Variants in CACNA1F observed in about 807,000 individuals in gnomAD.
CACNA1F encodes the protein voltage-dependent L-type calcium channel subunit alpha-1F.
CACNA1F carries 59 observed loss-of-function variants against 143.8 expected under a neutral mutation model. That is an observed-to-expected ratio of 0.41 (90% confidence interval 0.33 to 0.51). The LOEUF is 0.51. Among genes scored for constraint, CACNA1F ranks in the 20% least tolerant of loss-of-function variants. CACNA1F has a pLI of 0.22. For synonymous variants in CACNA1F, 643 were observed against 649.1 expected (o/e 0.99, Z 0.14); for missense variants, 1,411 against 1,647.5 (o/e 0.86, Z 2.48).
rs782235108 is a variant in CACNA1F, at chrX:49,226,046, C to T, written c.1514G>A (p.Arg505Gln). The T allele has an allele frequency of 6.7e-6, 8 of 1,190,466 alleles. No homozygotes were observed. The South Asian group carries it at 9.2e-5, about 14-fold the overall frequency. The change falls in exon 13 of 48, where the codon CGG (arginine) becomes CAG (glutamine). Residue 505 changes from arginine (R) to glutamine (Q), a missense_variant. Physicochemically the swap from Arg to Gln is conservative, Grantham distance 43. This residue lies in a region of CACNA1F where 950 missense variants were observed against 1,128.1 expected (regional missense o/e 0.84). Transcript: ENST00000323022. ...RVCRRLRRAN[R>Q]VLRARCRRAV... ...CCGACGGCAGCGTGCCCGAAGGACC[C>T]GGTTGGCTCGGCGGAGGCGGCGGCT... is the stretch of plus-strand genomic sequence containing the variant.
chrX:49,205,687 G>C lies in CACNA1F; in HGVS notation c.5599C>G (p.Leu1867Val). ...TCCGAGTGGGTTCCAGGCACGTGCA[G>C]ACAGGTGAAGGTGCGCAGTGGGCCA... ...SSGPLRTFTC[L>V]HVPGTHSDPS... The change falls in exon 47 of 48, where the codon CTG becomes GTG. Residue 1867 changes from leucine (L) to valine (V), a missense_variant. Coordinates refer to ENST00000323022, the MANE Select transcript of CACNA1F (RefSeq NM_001256789.3). 8.3e-7 allele frequency: 1 copy of C among 1,205,254 alleles called. No homozygotes were observed. Among genetic ancestry groups the C allele is most frequent in the Non-Finnish European group, 1.1e-6 (1 of 892,052 alleles).
rs782535896 is a variant in CACNA1F at position 49,226,416 on chromosome X, G to A, written c.1456C>T (p.Arg486Cys). The stretch of plus-strand genomic sequence containing the variant: ...GGGGCTGGGGGCCCTCACAGGCAGC[G>A]TGTACAGCTGGCCAGAGCCCCCTCC... ...EEEGALASCT[R>C]CLNKIMKTRV... Residue 486 changes from arginine to cysteine, a missense_variant, in exon 11 of 48, where the codon CGC (arginine) becomes TGC (cysteine). By Grantham distance (180) the Arg-to-Cys change is radical. Coordinates refer to ENST00000323022, the MANE Select transcript of CACNA1F (RefSeq NM_001256789.3). 1.8e-5 allele frequency: 21 copies of A among 1,183,389 alleles called. No homozygotes were observed. The highest frequency in any genetic ancestry group is 2.3e-5 in the Non-Finnish European group (20 of 880,158).
chrX:49,210,361 C>T lies in CACNA1F; in HGVS notation c.4528G>A (p.Val1510Met). ...GCAAAGAGTGTGGCGTTGAATGTCACCGTCCCATCTGAGTTGAGGGGCATG... is the reference window on the plus strand; with the variant it reads ...GCAAAGAGTGTGGCGTTGAATGTCATCGTCCCATCTGAGTTGAGGGGCATG... ...MNMPLNSDGT[V>M]TFNATLFALV... The change falls in exon 39 of 48, where the codon GTG becomes ATG. Residue 1510 changes from valine (V) to methionine (M), a missense_variant. By Grantham distance (21) the Val-to-Met change is conservative. Coordinates refer to ENST00000323022, the MANE Select transcript of CACNA1F (RefSeq NM_001256789.3). 1 of 1,208,671 alleles carries T rather than the reference C, an allele frequency of 8.3e-7. No homozygotes were observed. The highest frequency in any genetic ancestry group is 3.0e-5 in the East Asian group (1 of 33,838).
rs199682616 is a variant in CACNA1F, at chrX:49,220,073, CTCT to C, written c.2387-286_2387-284del. On this transcript the variant is annotated intron_variant, in intron 19 of 47. Transcript: ENST00000323022. ...GTTCAGCAGTAAACAAAACGTGTTT[CTCT>C]TCTTCTTGTTTTTCTTTAAAGATAG... Among the ~76,000 whole-genome samples the C allele has an allele frequency of 6.4e-4, 71 of 111,401 alleles. No homozygotes were observed. The East Asian group carries it at 0.012, about 19-fold the overall frequency.
rs868954985 is a variant in CACNA1F, at chrX:49,219,765, T to C, written c.2412A>G (p.Glu804=). 1.7e-5 allele frequency: 19 copies of C among 1,106,386 alleles called. No homozygotes were observed. The Admixed American group carries it at 2.3e-4, about 13-fold the overall frequency. 91.2% of individuals were successfully genotyped at this position (1,106,386 alleles called of 1,213,427 possible). Residue 804 remains glutamate, a synonymous_variant, in exon 20 of 48, where the codon GAA becomes GAG. Transcript: ENST00000323022. ...GADMEEEEEE[E]EEEEEEEEEE... is the part of the protein sequence containing the mutation. ...CCTCTTCTTCCTCTTCTTCCTCTTCTTCCTCCTCCTCCTCCTCCTCCATGT... is the reference window on the plus strand; with the variant it reads ...CCTCTTCTTCCTCTTCTTCCTCTTCCTCCTCCTCCTCCTCCTCCTCCATGT...
In CACNA1F at chrX:49,226,065, G is replaced by T; in HGVS notation, c.1495C>A (p.Arg499Ser). The T allele has an allele frequency of 8.4e-7, 1 of 1,190,218 alleles. No individual in the cohort carries two copies. Among genetic ancestry groups the T allele is most frequent in the Non-Finnish European group, 1.1e-6 (1 of 884,315 alleles). Residue 499 changes from arginine to serine, a missense_variant, in exon 13 of 48, where the codon CGC (arginine) becomes AGC (serine). Arg to Ser is a moderately radical substitution (Grantham distance 110). This residue lies in a region of CACNA1F where 950 missense variants were observed against 1,128.1 expected (regional missense o/e 0.84). Coordinates refer to ENST00000323022, the MANE Select transcript of CACNA1F (RefSeq NM_001256789.3). The part of the protein sequence containing the change: ...NKIMKTRVCR[R>S]LRRANRVLRA... The stretch of plus-strand genomic sequence containing the variant: ...AGGACCCGGTTGGCTCGGCGGAGGC[G>T]GCGGCTGGGGGAAGGGGAGCCCACA...
At position 49,206,545 on chromosome X, in the gene CACNA1F, T is replaced by C; in HGVS notation, c.5438A>G (p.His1813Arg). 8.3e-7 allele frequency: 1 copy of C among 1,209,890 alleles called. No individual in the cohort carries two copies. Among genetic ancestry groups the C allele is most frequent in the Non-Finnish European group, 1.1e-6 (1 of 894,029 alleles). ...ATTGGGCCCTGAATTTCGCCCACGA[T>C]GATAGGTGCCTGGGATGGGTAAATC... Reference protein sequence around the residue: ...CEDLPIPGTYHRGRNSGPNRA... With the variant: ...CEDLPIPGTYRRGRNSGPNRA... The change falls in exon 46 of 48, where the codon CAT becomes CGT. Residue 1813 changes from histidine (H) to arginine (R), a missense_variant. His to Arg is a conservative substitution (Grantham distance 29). This residue lies in a region of CACNA1F where 349 missense variants were observed against 350.2 expected (regional missense o/e 1.00). Transcript: ENST00000323022.
chrX:49,210,012 C>T lies in CACNA1F; in HGVS notation c.4619G>A (p.Arg1540Gln), dbSNP rs1424417130. The change falls in exon 40 of 48, where the codon CGG becomes CAG. Residue 1540 changes from arginine (R) to glutamine (Q), a missense_variant. Around this residue, in one of 3 missense-constraint regions of CACNA1F, gnomAD observed 112 missense variants for 169.2 expected, o/e 0.66. Coordinates refer to ENST00000323022, the MANE Select transcript of CACNA1F (RefSeq NM_001256789.3). ...GNLEQANQELRIVIKKIWKRM... is the reference protein window; with the variant it reads ...GNLEQANQELQIVIKKIWKRM... ...CTTCCAGATCTTTTTGATGACAATC[C>T]GCAGCTCCTGGTTGGCTTGCTCCAG... is the stretch of plus-strand genomic sequence containing the variant. 1 of 1,209,924 alleles carries T rather than the reference C, an allele frequency of 8.3e-7. No individual in the cohort carries two copies. The highest frequency in any genetic ancestry group is 1.1e-6 in the Non-Finnish European group (1 of 893,861).
chrX:49,207,393 G>A (rs1008106347), intron 43 of CACNA1F, among the ~76,000 whole-genome samples: 2 of 111,563 alleles, frequency 1.8e-5, no homozygotes, highest in African/African-American at 6.5e-5. Context: ...ATTAGGAGTG[G>A]GGGGAGCCTG....
At position 49,206,553 on chromosome X, in the gene CACNA1F, G is replaced by C; in HGVS notation, c.5430C>G (p.Gly1810=). ...CTGAATTTCGCCCACGATGATAGGTGCCTGGGATGGGTAAATCCTCACAAC... is the reference window on the plus strand; with the variant it reads ...CTGAATTTCGCCCACGATGATAGGTCCCTGGGATGGGTAAATCCTCACAAC... The part of the protein sequence containing the change: ...QGSCEDLPIP[G]TYHRGRNSGP... Residue 1810 remains glycine (G), a synonymous_variant, in exon 46 of 48, where the codon GGC becomes GGG. Transcript: ENST00000323022. 4.1e-6 allele frequency: 5 copies of C among 1,210,805 alleles called. No individual in the cohort carries two copies. Among genetic ancestry groups the C allele is most frequent in the Non-Finnish European group, 5.6e-6 (5 of 894,571 alleles).
Position 49,228,451 on chromosome X carries a change from C to T in CACNA1F, c.818-4G>A, listed in dbSNP as rs922010017. 3 of 1,192,888 alleles carry T rather than the reference C, an allele frequency of 2.5e-6. No individual in the cohort carries two copies. The highest frequency in any genetic ancestry group is 3.6e-5 in the South Asian group (2 of 54,891). On this transcript the variant is annotated splice_polypyrimidine_tract_variant and splice_region_variant and intron_variant, in intron 6 of 47. Coordinates refer to ENST00000323022, the MANE Select transcript of CACNA1F (RefSeq NM_001256789.3). ...GGGTCCTCCTCCGCTTCCATGTCTG[C>T]AGGAAGACTGGAGCTTGGGGCTTCG...
intron 1 of CACNA1F, 132 bp from the exon 2 acceptor site, chrX:49,232,059 G>T: frequency 1.6e-6 from 1 of 645,155 alleles, no homozygotes; most frequent in Non-Finnish European, 2.3e-6. Context: ...GGGAGTAGCT[G>T]GGTTAAGGAC....
rs1394428591 is a variant in CACNA1F at position 49,226,950 on chromosome X, G to A, written c.1276+20C>T. The A allele has an allele frequency of 1.8e-5, 22 of 1,210,172 alleles. No individual in the cohort carries two copies. Among genetic ancestry groups the A allele is most frequent in the Non-Finnish European group, 2.5e-5 (22 of 894,933 alleles). ...GGAGTTGCCTACGATGGCCCGCCCG[G>A]CCCTCTTCAGCCATAGAACCAAGGT... On this transcript the variant is annotated intron_variant, in intron 9 of 47. Coordinates refer to ENST00000323022, the MANE Select transcript of CACNA1F (RefSeq NM_001256789.3).
intron 40 of CACNA1F, 62 bp from the exon 41 acceptor site, chrX:49,209,821 G>T: frequency 8.5e-7 from 1 of 1,180,380 alleles, no homozygotes; most frequent in Non-Finnish European, 1.2e-6. Flanking sequence ...CCACCTCGCC[G>T]CCTCTCTACC....
chrX:49,211,947 G>A lies in CACNA1F; in HGVS notation c.4051C>T (p.Arg1351Ter), dbSNP rs782740998. The A allele has an allele frequency of 8.3e-7, 1 of 1,211,159 alleles. No homozygotes were observed. Among genetic ancestry groups the A allele is most frequent in the Non-Finnish European group, 1.1e-6 (1 of 895,070 alleles). ...GGAAAGGTCTGGAAGTTGTTGTTTC[G>A]GTTTATCTGTGTGCCATCCTGAAGA... ...VALQDGTQIN[R>*]NNNFQTFPQA... The change falls in exon 35 of 48, where the codon CGA becomes TGA. Residue 1351 changes from arginine (R) to a stop codon, truncating the protein, a stop_gained. Coordinates refer to ENST00000323022, the MANE Select transcript of CACNA1F (RefSeq NM_001256789.3). LOFTEE classifies it high-confidence loss of function.
intron 43 of CACNA1F, 104 bp downstream of exon 43, chrX:49,208,411 G>GCCCCCCCCCCCCCCCCCCCCCCCCCCC: frequency 2.4e-6 from 1 of 414,483 alleles, no homozygotes; most frequent in Non-Finnish European, 4.3e-6. Context: ...AGGCCTCTAG[G>GCCCCCCCCCCCCCCCCCCCCCCCCCCC]CCCTCCCTCC....
At position 49,216,378 on chromosome X, in the gene CACNA1F, T is replaced by C. The variant is rs2065715958; in HGVS notation, c.3236+4A>G. 8.3e-7 allele frequency: 1 copy of C among 1,210,343 alleles called. No homozygotes were observed. Among genetic ancestry groups the C allele is most frequent in the Non-Finnish European group, 1.1e-6 (1 of 894,346 alleles). ...CCTGATAAACCCAGGGCCCTGTCCC[T>C]CACGCAGGCCAGCCTTCAAAGGTGG... On this transcript the variant is annotated splice_donor_region_variant and intron_variant, in intron 27 of 47. Coordinates refer to ENST00000323022, the MANE Select transcript of CACNA1F (RefSeq NM_001256789.3).
At chrX:49,217,851 C>G in intron 25 of CACNA1F, 44 bp from the exon 26 acceptor site, 1 of 1,193,195 alleles carries the variant, frequency 8.4e-7, no homozygotes, top group Non-Finnish European at 1.1e-6. Flanking sequence ...CTTCATCACA[C>G]TCCCGCCCAG....
chrX:49,217,254 C>G (rs182110939), intron 26 of CACNA1F, among the ~76,000 whole-genome samples: 1 of 112,921 alleles, frequency 8.9e-6, no homozygotes. Context: ...CCACAGCGCC[C>G]GGCCCAAGCT....
Sources: gnomAD v4.1 joint callset for allele counts (sites outside exome capture counted in the v4.1 genomes callset) on GRCh38, gnomAD v4.1.1 for gene constraint, gnomAD v4.1.1 regional missense constraint, MANE v1.5 for transcripts, NCBI Gene and HGNC (gene_info 2026-07-23, HGNC 2026-07-21) for gene names.